The following LDB2 variants were observed in gnomAD, a reference collection of about 807,000 sequenced individuals.
LDB2 encodes the protein LIM domain binding 2.
LDB2 carries 12 observed loss-of-function variants against 44.3 expected under a neutral mutation model. The ratio of observed to expected loss-of-function variants is 0.27; its 90% CI spans 0.17 to 0.44. The LOEUF (loss-of-function observed/expected upper bound fraction) is 0.44. Among genes scored for constraint, LDB2 ranks in the 20% least tolerant of loss-of-function variants. The pLI, the probability that LDB2 is intolerant of heterozygous loss-of-function variation, is 1.00. For synonymous variants in LDB2, 164 were observed against 174.8 expected (o/e 0.94, Z 0.49); for missense variants, 344 against 473.5 (o/e 0.73, Z 2.54).
intron 5 of LDB2, among the ~76,000 whole-genome samples, chr4:16,520,612 T>A (rs953913749): frequency 6.6e-6 from 1 of 152,198 alleles, no homozygotes; most frequent in African/African-American, 2.4e-5. Context: ...CGTCCAACCC[T>A]GGAGACAGGG....
At chr4:16,813,330 T>G (rs1018429340) in intron 1 of LDB2, among the ~76,000 whole-genome samples, 1 of 152,174 alleles carries the variant, frequency 6.6e-6, no homozygotes, top group East Asian at 1.9e-4. Flanking sequence ...AGCATTTAAC[T>G]AACAATAGGG....
intron 1 of LDB2, among the ~76,000 whole-genome samples, chr4:16,779,882 C>CT (rs1336960147): frequency 1.3e-5 from 2 of 152,102 alleles, no homozygotes; most frequent in Non-Finnish European, 2.9e-5. Flanking sequence ...TTATTTTTGA[C>CT]TTTTTTCATT....
intron 1 of LDB2, among the ~76,000 whole-genome samples, chr4:16,891,546 C>T (rs1002892286): frequency 6.6e-6 from 1 of 152,172 alleles, no homozygotes; most frequent in African/African-American, 2.4e-5. Flanking sequence ...CTTCTGACCT[C>T]ATGATCTGCC....
intron 2 of LDB2, among the ~76,000 whole-genome samples, chr4:16,687,502 C>T (rs186744626): frequency 6.6e-6 from 1 of 152,108 alleles, no homozygotes; most frequent in Non-Finnish European, 1.5e-5. Context: ...GTCGTTTAAG[C>T]CACCCAGTCT....
At chr4:16,849,128 A>G (rs1334701495) in intron 1 of LDB2, among the ~76,000 whole-genome samples, 2 of 152,124 alleles carry the variant, frequency 1.3e-5, no homozygotes, top group Non-Finnish European at 2.9e-5. Context: ...TGCTTCATCC[A>G]TATTCATTTT....
chr4:16,562,142 T>G (rs1157900621), intron 5 of LDB2, among the ~76,000 whole-genome samples: 1 of 152,136 alleles, frequency 6.6e-6, no homozygotes, highest in East Asian at 1.9e-4. Context: ...GCATTACCAT[T>G]CAGGACATAG....
At chr4:16,751,232 C>T (rs1247777734) in intron 2 of LDB2, among the ~76,000 whole-genome samples, 3 of 152,136 alleles carry the variant, frequency 2.0e-5, no homozygotes, top group South Asian at 2.1e-4. Context: ...CTAACAACCA[C>T]CTCAGATTTC....
intron 1 of LDB2, among the ~76,000 whole-genome samples, chr4:16,769,835 T>C (rs1473532112): frequency 6.6e-6 from 1 of 152,216 alleles, no homozygotes; most frequent in Admixed American, 6.5e-5. Context: ...TTTTAGAAGG[T>C]GCTCACTATA....
rs866320183 is a variant in LDB2 at position 16,733,698 on chromosome 4, C to G, written c.235+25460G>C. On this transcript the variant is annotated intron_variant, in intron 2 of 7. Transcript: ENST00000304523. ...AGGTTTGCTCCCTTTCCAGCAATCC[C>G]CTGATAGGCTGAGCACAGCCTTGTG... 9.9e-5 allele frequency among the ~76,000 whole-genome samples: 15 copies of G among 152,278 alleles called. No individual in the cohort carries two copies. In the South Asian group the frequency reaches 1.2e-3, roughly 13 times the overall value.
chr4:16,890,737 G>A (rs933048830), intron 1 of LDB2, among the ~76,000 whole-genome samples: 5 of 152,174 alleles, frequency 3.3e-5, no homozygotes, highest in Non-Finnish European at 4.4e-5. Context: ...ACCAGAATGC[G>A]TGCATCTCAG....
At chr4:16,788,051 T>C (rs1000425348) in intron 1 of LDB2, among the ~76,000 whole-genome samples, 14 of 152,244 alleles carry the variant, frequency 9.2e-5, no homozygotes, top group Admixed American at 3.3e-4. Flanking sequence ...TCTTCCTGGC[T>C]GCAGAAGTCG....
At chr4:16,527,233 A>C (rs1362253515) in intron 5 of LDB2, among the ~76,000 whole-genome samples, 7 of 152,158 alleles carry the variant, frequency 4.6e-5, no homozygotes, top group Non-Finnish European at 1.0e-4. Context: ...GCAAGAGTGA[A>C]GACTTGAGTT....
At chr4:16,816,512 G>A (rs1212975410) in intron 1 of LDB2, among the ~76,000 whole-genome samples, 3 of 148,840 alleles carry the variant, frequency 2.0e-5, no homozygotes, top group Non-Finnish European at 3.0e-5. Context: ...GGGTTCAAGC[G>A]ATTCTCCCAC....
chr4:16,866,758 C>T (rs749870550), intron 1 of LDB2, among the ~76,000 whole-genome samples: 2 of 152,270 alleles, frequency 1.3e-5, no homozygotes, highest in Middle Eastern at 6.8e-3. Context: ...GGTAACAGCA[C>T]CAAGACTATT....
intron 1 of LDB2, among the ~76,000 whole-genome samples, chr4:16,870,676 C>A (rs1342626418): frequency 6.6e-6 from 1 of 152,030 alleles, no homozygotes; most frequent in East Asian, 1.9e-4. Flanking sequence ...TCTTGTCACC[C>A]AGGCTGGAGT....
intron 2 of LDB2, among the ~76,000 whole-genome samples, chr4:16,735,866 G>T (rs147345201): frequency 1.3e-5 from 2 of 152,188 alleles, no homozygotes; most frequent in African/African-American, 4.8e-5. Flanking sequence ...GTCATAGACC[G>T]GAAGTCGCTG....
intron 2 of LDB2, among the ~76,000 whole-genome samples, chr4:16,705,177 T>C (rs1310362440): frequency 6.6e-6 from 1 of 152,166 alleles, no homozygotes; most frequent in Non-Finnish European, 1.5e-5. Context: ...CTGAAAACAG[T>C]CGTGTGCCCT....
intron 5 of LDB2, among the ~76,000 whole-genome samples, chr4:16,547,337 G>T (rs1160362086): frequency 6.6e-6 from 1 of 152,136 alleles, no homozygotes; most frequent in African/African-American, 2.4e-5. Flanking sequence ...GGGACTTTTG[G>T]CCTCCAGAAC....
chr4:16,778,429 C>T (rs1288469719), intron 1 of LDB2, among the ~76,000 whole-genome samples: 1 of 152,160 alleles, frequency 6.6e-6, no homozygotes, highest in Non-Finnish European at 1.5e-5. Flanking sequence ...GCAGAGGCTC[C>T]CTGCCCGCCC....
Sources: gnomAD v4.1 joint callset for allele counts (sites outside exome capture counted in the v4.1 genomes callset) on GRCh38, gnomAD v4.1.1 for gene constraint, MANE v1.5 for transcripts, NCBI Gene and HGNC (gene_info 2026-07-23, HGNC 2026-07-21) for gene names.